TMCC1: variants seen among roughly 807,000 people sequenced by gnomAD.
TMCC1 encodes transmembrane and coiled-coil domain family 1.
A neutral mutation model predicts 52.4 loss-of-function variants in TMCC1; 15 were observed. That is an observed-to-expected ratio of 0.29 (90% CI 0.19 to 0.44). The LOEUF is 0.44. TMCC1 is among the 20% of genes least tolerant of loss of function. The probability of loss-of-function intolerance (pLI) is 1.00; values close to 1 mark genes in which losing one functional copy is unlikely to be tolerated. For synonymous variants in TMCC1, 279 were observed against 301.9 expected, an observed-to-expected ratio of 0.92 and a Z score of 0.79; for missense variants, 503 against 806.0, an observed-to-expected ratio of 0.62 and a Z score of 4.55.
intron 2 of TMCC1, chr3:129,857,486 T>C (rs1420120589): frequency 1.3e-5 from 2 of 152,242 alleles, no homozygotes; most frequent in African/African-American, 4.8e-5. Context: ...CTGTTCTTCA[T>C]AGATTTAGAT....
At chr3:129,670,295 C>A in intron 5 of TMCC1, 35 bp downstream of exon 5, 1 of 1,585,818 alleles carries the variant, frequency 6.3e-7, no homozygotes. Flanking sequence ...GAACCCTACA[C>A]AAATAATTTC....
chr3:129,814,628 GAC>G (rs1485308536), intron 4 of TMCC1, among the ~76,000 whole-genome samples: 1 of 151,990 alleles, frequency 6.6e-6, no homozygotes, highest in Non-Finnish European at 1.5e-5. Flanking sequence ...AAAGAAATAA[GAC>G]CCAACTATAT....
chr3:129,758,309 C>T (rs1056571959), intron 4 of TMCC1, among the ~76,000 whole-genome samples: 1 of 152,136 alleles, frequency 6.6e-6, no homozygotes, highest in African/African-American at 2.4e-5. Flanking sequence ...CAGTTGGAGA[C>T]ATCTAACAGA....
chr3:129,866,103 G>A (rs889682154), intron 2 of TMCC1, among the ~76,000 whole-genome samples: 1 of 151,604 alleles, frequency 6.6e-6, no homozygotes, highest in Admixed American at 6.6e-5. Flanking sequence ...TATTCTGGAT[G>A]CCCTGACACC....
intron 2 of TMCC1, among the ~76,000 whole-genome samples, chr3:129,871,323 G>A (rs1196039663): frequency 1.4e-5 from 2 of 139,412 alleles, no homozygotes; most frequent in South Asian, 2.2e-4. Context: ...CATGGCCACC[G>A]CACTCCAAAC....
rs2058759696 is a variant in TMCC1, at chr3:129,828,559, T to C, written c.-130-51A>G. 1 of 576,682 alleles carries C rather than the reference T, an allele frequency of 1.7e-6. No homozygotes were observed. The highest frequency in any genetic ancestry group is 2.9e-6 in the Non-Finnish European group (1 of 340,760). 35.7% of individuals were successfully genotyped at this position (576,682 alleles called of 1,614,324 possible). On this transcript the variant is annotated intron_variant, in intron 3 of 6. Coordinates refer to ENST00000393238, the MANE Select transcript of TMCC1 (RefSeq NM_001017395.5). The surrounding 1 kb of genome is among the most constrained non-coding windows in gnomAD (Gnocchi z 4.1). Reference sequence around the variant, plus strand: ...AAAACAAAAAAAAAACCTTATATTATAAATCCATGCAGAAACTCCAGTGTT... The same window carrying C: ...AAAACAAAAAAAAAACCTTATATTACAAATCCATGCAGAAACTCCAGTGTT...
At chr3:129,754,018 A>G (rs2052770115) in intron 4 of TMCC1, among the ~76,000 whole-genome samples, 1 of 152,180 alleles carries the variant, frequency 6.6e-6, no homozygotes, top group Non-Finnish European at 1.5e-5. Flanking sequence ...CTAAAAAATA[A>G]GTTGCTTCAG....
chr3:129,816,596 G>T (rs1030055860), intron 4 of TMCC1, among the ~76,000 whole-genome samples: 1 of 152,186 alleles, frequency 6.6e-6, no homozygotes, highest in Non-Finnish European at 1.5e-5. Context: ...AAGGGAGAGG[G>T]AGGGAAGGAG....
At chr3:129,870,550 T>G (rs1395957361) in intron 2 of TMCC1, among the ~76,000 whole-genome samples, 1 of 151,514 alleles carries the variant, frequency 6.6e-6, no homozygotes, top group African/African-American at 2.4e-5. Context: ...TCATCCTGGC[T>G]AACATGGTGA....
intron 4 of TMCC1, among the ~76,000 whole-genome samples, chr3:129,795,835 C>T (rs2056786885): frequency 6.6e-6 from 1 of 152,230 alleles, no homozygotes; most frequent in Admixed American, 6.5e-5. Flanking sequence ...CCGCTAGTCA[C>T]TGAGTAAGCG....
At chr3:129,746,223 T>A (rs1233473507) in intron 4 of TMCC1, among the ~76,000 whole-genome samples, 3 of 152,010 alleles carry the variant, frequency 2.0e-5, no homozygotes, top group Admixed American at 2.0e-4. Context: ...CAGGCTGGAG[T>A]GCAGTGGCGT....
At chr3:129,676,693 G>A (rs2088477601) in intron 4 of TMCC1, among the ~76,000 whole-genome samples, 1 of 152,192 alleles carries the variant, frequency 6.6e-6, no homozygotes, top group South Asian at 2.1e-4. Context: ...GTGGTGGAAA[G>A]GGCAAGAATA....
chr3:129,662,562 C>A (rs1336933898), intron 5 of TMCC1, among the ~76,000 whole-genome samples: 1 of 152,026 alleles, frequency 6.6e-6, no homozygotes, highest in Non-Finnish European at 1.5e-5. Context: ...TGCTTGAAAC[C>A]GTGAGGCAGA....
chr3:129,837,515 ATC>A (rs948249681), intron 2 of TMCC1, among the ~76,000 whole-genome samples: 4 of 152,164 alleles, frequency 2.6e-5, no homozygotes, highest in Admixed American at 6.5e-5. Context: ...ATTAACACAA[ATC>A]TCCACCCTAA....
At chr3:129,697,111 A>G (rs1460631492) in intron 4 of TMCC1, among the ~76,000 whole-genome samples, 1 of 152,100 alleles carries the variant, frequency 6.6e-6, no homozygotes, top group Non-Finnish European at 1.5e-5. Flanking sequence ...GGGGGCTCCA[A>G]CCCCACATTT....
intron 4 of TMCC1, among the ~76,000 whole-genome samples, chr3:129,705,981 C>T (rs2048203543): frequency 6.6e-6 from 1 of 150,512 alleles, no homozygotes; most frequent in African/African-American, 2.4e-5. Flanking sequence ...ACCTTTGCCT[C>T]CCAGGTTCAA....
At chr3:129,830,436 G>T (rs2058855638) in intron 3 of TMCC1, among the ~76,000 whole-genome samples, 1 of 152,116 alleles carries the variant, frequency 6.6e-6, no homozygotes, top group Admixed American at 6.5e-5. Flanking sequence ...TTGTCTTGCT[G>T]GCTAATAGTT....
intron 4 of TMCC1, among the ~76,000 whole-genome samples, chr3:129,721,648 C>T (rs926667037): frequency 2.2e-4 from 31 of 143,488 alleles, no homozygotes; most frequent in South Asian, 4.4e-4. Flanking sequence ...ATCACGAGGT[C>T]AGGAGATTGG....
At chr3:129,679,261 C>G (rs2088752100) in intron 4 of TMCC1, among the ~76,000 whole-genome samples, 1 of 152,170 alleles carries the variant, frequency 6.6e-6, no homozygotes. Context: ...TAAGTCTTTG[C>G]TTCAATGTCA....
Sources: gnomAD v4.1 joint callset for allele counts (sites outside exome capture counted in the v4.1 genomes callset) on GRCh38, gnomAD v4.1.1 for gene constraint, Gnocchi (gnomAD v3.1) non-coding constraint, MANE v1.5 for transcripts, NCBI Gene and HGNC (gene_info 2026-07-23, HGNC 2026-07-21) for gene names.